ADAMDEC1: variants seen among roughly 807,000 people sequenced by gnomAD.
ADAMDEC1 encodes ADAM DEC1.
Under a neutral mutation model 60.4 loss-of-function variants are expected in ADAMDEC1, and 62 were observed. The ratio of observed to expected loss-of-function variants is 1.03; its 90% CI spans 0.84 to 1.27. ADAMDEC1 has a LOEUF of 1.27. Ranked by LOEUF, ADAMDEC1 falls within the 50% of genes most tolerant of loss-of-function variation. The pLI is 0.00. For missense variants in ADAMDEC1, 595 were observed against 565.0 expected, an observed-to-expected ratio of 1.05 and a Z score of -0.54; for synonymous variants, 210 against 195.1, an observed-to-expected ratio of 1.08 and a Z score of -0.64.
At chr8:24,399,314 A>G (rs1457161430) in intron 9 of ADAMDEC1, 79 bp from the exon 10 acceptor site, 2 of 1,413,156 alleles carry the variant, frequency 1.4e-6, no homozygotes, top group Non-Finnish European at 2.0e-6. Flanking sequence ...CAGCGAGGCA[A>G]TTCGTTAATG....
At chr8:24,390,683 G>A (rs932287656) in intron 1 of ADAMDEC1, among the ~76,000 whole-genome samples, 6 of 152,006 alleles carry the variant, frequency 3.9e-5, no homozygotes, top group African/African-American at 1.4e-4. Flanking sequence ...TCGGGCCACT[G>A]TACTCCAGCC....
At chr8:24,400,133 TA>T (rs1336552307) in intron 10 of ADAMDEC1, 36 bp from the exon 11 acceptor site, 4 of 1,463,618 alleles carry the variant, frequency 2.7e-6, no homozygotes, top group East Asian at 5.0e-5. Context: ...AACAATTAAA[TA>T]AAAAAAGAAT....
chr8:24,405,217 T>G, intron 13 of ADAMDEC1, 75 bp from the exon 14 acceptor site: 1 of 1,339,642 alleles, frequency 7.5e-7, no homozygotes, highest in East Asian at 2.4e-5. Context: ...CTATACATTT[T>G]CATTATCATT....
intron 1 of ADAMDEC1, among the ~76,000 whole-genome samples, chr8:24,390,491 C>T (rs1013546622): frequency 5.9e-5 from 9 of 152,104 alleles, no homozygotes; most frequent in East Asian, 1.9e-4. Context: ...AGGAGGCTGA[C>T]GCAGTGGATC....
intron 3 of ADAMDEC1, 49 bp downstream of exon 3, chr8:24,393,387 TG>T: frequency 7.6e-7 from 1 of 1,317,294 alleles, no homozygotes; most frequent in Non-Finnish European, 1.1e-6. Flanking sequence ...GTTATGAAAT[TG>T]GGGAGCAATC....
At position 24,395,739 on chromosome 8, in the gene ADAMDEC1, G is replaced by A. The variant is rs976542769; in HGVS notation, c.383G>A (p.Gly128Glu). ...CTCCAGGAACACTGTTACTATAAAGGAAACATCCTAAATGAAAAGAATTCT... is the reference window on the plus strand; with the variant it reads ...CTCCAGGAACACTGTTACTATAAAGAAAACATCCTAAATGAAAAGAATTCT... ...PENMEHCYYKGNILNEKNSVA... is the reference protein window; with the variant it reads ...PENMEHCYYKENILNEKNSVA... Residue 128 changes from glycine to glutamate, a missense_variant, in exon 5 of 14, where the codon GGA (glycine) becomes GAA (glutamate). Physicochemically the swap from Gly to Glu is moderately conservative, Grantham distance 98. Transcript: ENST00000256412. 1.9e-6 allele frequency: 3 copies of A among 1,612,990 alleles called. No homozygotes were observed. The highest frequency in any genetic ancestry group is 1.7e-6 in the Non-Finnish European group (2 of 1,179,644).
chr8:24,385,646 A>G (rs1364266367), intron 1 of ADAMDEC1, among the ~76,000 whole-genome samples: 1 of 152,252 alleles, frequency 6.6e-6, no homozygotes, highest in African/African-American at 2.4e-5. Flanking sequence ...ACACCATCCC[A>G]ATGACAACAC....
At chr8:24,392,020 T>G (rs1585805123) in intron 1 of ADAMDEC1, among the ~76,000 whole-genome samples, 1 of 151,968 alleles carries the variant, frequency 6.6e-6, no homozygotes, top group East Asian at 1.9e-4. Flanking sequence ...AGAGATCATC[T>G]AAAGAATTGT....
intron 1 of ADAMDEC1, chr8:24,390,194 TCAC>T (rs1817402154): frequency 8.8e-7 from 1 of 1,138,670 alleles, no homozygotes; most frequent in Non-Finnish European, 1.2e-6. Flanking sequence ...ATTTCAGTTT[TCAC>T]ATAAAAGAAA....
chr8:24,401,780 A>T lies in ADAMDEC1; in HGVS notation c.1143-135A>T, dbSNP rs1817771400. The T allele has an allele frequency of 5.2e-6, 4 of 771,284 alleles. No individual in the cohort carries two copies. In the East Asian group the frequency reaches 1.1e-4, roughly 21 times the overall value. The allele number at this position is 771,284 out of a possible 1,614,324, so 47.8% of individuals were successfully genotyped here. Reference sequence around the variant, plus strand: ...ACAGGGCAGTCCTAAATGGTTGCCAAATTTGGAATTTCCATTGAGCTCGGT... The same window carrying T: ...ACAGGGCAGTCCTAAATGGTTGCCATATTTGGAATTTCCATTGAGCTCGGT... On this transcript the variant is annotated intron_variant, in intron 11 of 13. Transcript: ENST00000256412.
At chr8:24,397,847 A>G in intron 7 of ADAMDEC1, 102 bp downstream of exon 7, 1 of 1,099,372 alleles carries the variant, frequency 9.1e-7, no homozygotes, top group Non-Finnish European at 1.3e-6. Context: ...ATCATGGGGC[A>G]TTTGTCCACC....
chr8:24,390,060 C>T, intron 1 of ADAMDEC1: 1 of 416,194 alleles, frequency 2.4e-6, no homozygotes, highest in Admixed American at 2.8e-5. Context: ...AATATCATTT[C>T]CCAATAGAAT....
At chr8:24,385,878 G>A (rs925178837) in intron 1 of ADAMDEC1, among the ~76,000 whole-genome samples, 35 of 151,858 alleles carry the variant, frequency 2.3e-4, no homozygotes, top group South Asian at 8.3e-4. Flanking sequence ...CTGTGCTGTC[G>A]GATGAGAATT....
At chr8:24,389,310 T>C (rs1043277353) in intron 1 of ADAMDEC1, among the ~76,000 whole-genome samples, 1 of 152,166 alleles carries the variant, frequency 6.6e-6, no homozygotes. Context: ...AAGGCAAAAA[T>C]ATCTAGTCAT....
chr8:24,385,986 G>A (rs1474771269), intron 1 of ADAMDEC1, among the ~76,000 whole-genome samples: 1 of 151,662 alleles, frequency 6.6e-6, no homozygotes, highest in Non-Finnish European at 1.5e-5. Flanking sequence ...CCATTCCTCA[G>A]AGGTCTCAAA....
At chr8:24,386,253 T>A (rs1817288993) in intron 1 of ADAMDEC1, among the ~76,000 whole-genome samples, 1 of 152,184 alleles carries the variant, frequency 6.6e-6, no homozygotes, top group African/African-American at 2.4e-5. Flanking sequence ...CCTGGTAATG[T>A]TCTTATGTTT....
At chr8:24,402,326 A>G (rs1459376529) in intron 12 of ADAMDEC1, among the ~76,000 whole-genome samples, 8 of 152,168 alleles carry the variant, frequency 5.3e-5, no homozygotes, top group Non-Finnish European at 8.8e-5. Flanking sequence ...ATTGTTAACT[A>G]TAACATGTCA....
At chr8:24,403,070 G>A (rs1199556718) in intron 12 of ADAMDEC1, among the ~76,000 whole-genome samples, 3 of 152,040 alleles carry the variant, frequency 2.0e-5, no homozygotes, top group Non-Finnish European at 4.4e-5. Flanking sequence ...AAGAAAGGGG[G>A]AAAGGATGAA....
chr8:24,398,444 G>A, intron 7 of ADAMDEC1, 36 bp from the exon 8 acceptor site: 1 of 1,253,482 alleles, frequency 8.0e-7, no homozygotes, highest in South Asian at 1.3e-5. Context: ...AGTGTAATCT[G>A]CTATTTCACT....
Sources: allele counts gnomAD v4.1 joint callset (sites outside exome capture counted in the v4.1 genomes callset), GRCh38; gene constraint gnomAD v4.1.1; transcripts MANE v1.5; gene names NCBI Gene and HGNC (gene_info 2026-07-23, HGNC 2026-07-21).